CARMIL3: variants seen among roughly 807,000 people sequenced by gnomAD.
The protein encoded by CARMIL3 is capping protein regulator and myosin 1 linker 3.
CARMIL3 carries 88 observed loss-of-function variants against 180.8 expected under a neutral mutation model. The ratio of observed to expected loss-of-function variants is 0.49; its 90% CI spans 0.41 to 0.58. CARMIL3 has a LOEUF of 0.58. Ranked by LOEUF, CARMIL3 falls within the 20% of genes least tolerant of loss-of-function variation. The probability of loss-of-function intolerance (pLI) is 0.00; values close to 1 mark genes in which losing one functional copy is unlikely to be tolerated. For synonymous variants in CARMIL3, 696 were observed against 714.5 expected (o/e 0.97, Z 0.41); for missense variants, 1,548 against 1,787.0 (o/e 0.87, Z 2.41).
intron 36 of CARMIL3, 66 bp downstream of exon 36, chr14:24,066,722 C>A: frequency 6.5e-7 from 1 of 1,542,696 alleles, no homozygotes; most frequent in African/African-American, 1.4e-5. Context: ...AAACAGAAGC[C>A]CATGGCCCCT....
At chr14:24,052,386 C>G (rs1254957372) in intron 1 of CARMIL3, among the ~76,000 whole-genome samples, 193 bp downstream of exon 1, 2 of 152,244 alleles carry the variant, frequency 1.3e-5, no homozygotes, top group Non-Finnish European at 2.9e-5. Flanking sequence ...CCTCGCCTCA[C>G]CCGGTCGGGA....
chr14:24,060,577 C>T (rs754512888), intron 24 of CARMIL3, 51 bp from the exon 25 acceptor site: 35 of 1,601,740 alleles, frequency 2.2e-5, no homozygotes, highest in East Asian at 1.6e-4. Context: ...GTCCTACCTG[C>T]GAAGATGTGG....
chr14:24,061,687 G>A lies in CARMIL3; in HGVS notation c.2480+15G>A. 1.2e-6 allele frequency: 2 copies of A among 1,609,706 alleles called. No homozygotes were observed. The highest frequency in any genetic ancestry group is 2.2e-5 in the East Asian group (1 of 44,788). Reference sequence around the variant, plus strand: ...AACAAGCTGGAGTGAGAGGCAAAGGGCAGGGCTGGGGCTGAGCTGGATTTG... The same window carrying A: ...AACAAGCTGGAGTGAGAGGCAAAGGACAGGGCTGGGGCTGAGCTGGATTTG... On this transcript the variant is annotated intron_variant, in intron 27 of 39. Coordinates refer to ENST00000342740, the MANE Select transcript of CARMIL3 (RefSeq NM_138360.4). The surrounding 1 kb of genome is among the most constrained non-coding windows in gnomAD (Gnocchi z 4.1).
chr14:24,062,356 C>A, intron 27 of CARMIL3, 124 bp from the exon 28 acceptor site: 1 of 880,838 alleles, frequency 1.1e-6, no homozygotes, highest in Non-Finnish European at 1.9e-6. Context: ...GCCACATGCG[C>A]TCCATGGGCA....
At chr14:24,056,597 G>C in intron 11 of CARMIL3, 25 bp from the exon 12 acceptor site, 1 of 1,612,204 alleles carries the variant, frequency 6.2e-7, no homozygotes. Flanking sequence ...CCCTCACTGG[G>C]CCCGTTTCTC....
At chr14:24,064,183 G>A (rs1020237148) in intron 31 of CARMIL3, 63 bp from the exon 32 acceptor site, 11 of 1,116,294 alleles carry the variant, frequency 9.9e-6, no homozygotes, top group Middle Eastern at 1.9e-4. Flanking sequence ...AATGCTCTGA[G>A]TGGATGGGAG....
Position 24,056,967 on chromosome 14 carries a change from C to T in CARMIL3, c.1005C>T (p.Ser335=). The T allele has an allele frequency of 6.2e-7, 1 of 1,614,110 alleles. No individual in the cohort carries two copies. Among genetic ancestry groups the T allele is most frequent in the Non-Finnish European group, 8.5e-7 (1 of 1,179,996 alleles). ...GGGCAAACCCAGCATTTGCCAGCTC[C>T]CTTCGATACCTGGACCTGAGCAAGA... ...TFGANPAFAS[S]LRYLDLSKNP... The change falls in exon 13 of 40, where the codon TCC becomes TCT. Residue 335 remains serine, a synonymous_variant. Coordinates refer to ENST00000342740, the MANE Select transcript of CARMIL3 (RefSeq NM_138360.4).
rs1188340734 is a variant in CARMIL3 at position 24,059,425 on chromosome 14, G to A, written c.1782G>A (p.Gln594=). 3 of 1,581,952 alleles carry A rather than the reference G, an allele frequency of 1.9e-6. No homozygotes were observed. In the African/African-American group the frequency reaches 4.1e-5, roughly 21 times the overall value. Residue 594 remains glutamine, a synonymous_variant, in exon 21 of 40, where the codon CAG becomes CAA. Coordinates refer to ENST00000342740, the MANE Select transcript of CARMIL3 (RefSeq NM_138360.4). The surrounding 1 kb of genome is among the most constrained non-coding windows in gnomAD (Gnocchi z 6.3). ...CCAAGATGCTGTCTAAGGCCCTGCA[G>A]ATAAACTCCTCCCTCAGGTGGGGCC... The part of the protein sequence containing the change: ...IGAKMLSKAL[Q]INSSLRTILW...
chr14:24,060,777 C>T (rs1407450281), intron 25 of CARMIL3, 21 bp downstream of exon 25: 2 of 1,609,636 alleles, frequency 1.2e-6, no homozygotes, highest in East Asian at 4.5e-5. Flanking sequence ...CACAGGCTAC[C>T]CTTCCCCTGA....
rs766709569 is a variant in CARMIL3 at position 24,054,764 on chromosome 14, C to A, written c.416C>A (p.Ser139Tyr). The change falls in exon 6 of 40, where the codon TCC (serine) becomes TAC (tyrosine). Residue 139 changes from serine to tyrosine, a missense_variant. By Grantham distance (144) the Ser-to-Tyr change is moderately radical. Around this residue, in one of 4 missense-constraint regions of CARMIL3, gnomAD observed 578 missense variants for 666.5 expected, o/e 0.87. Coordinates refer to ENST00000342740, the MANE Select transcript of CARMIL3 (RefSeq NM_138360.4). The surrounding 1 kb of genome is among the most constrained non-coding windows in gnomAD (Gnocchi z 5.1). ...ACCCCAGAGGGGCCCCGAGATACATCCCCCAACTCTGAGACTTCCACATCT... is the reference window on the plus strand; with the variant it reads ...ACCCCAGAGGGGCCCCGAGATACATACCCCAACTCTGAGACTTCCACATCT... ...ADTPEGPRDT[S>Y]PNSETSTSTT... 1 of 1,614,126 alleles carries A rather than the reference C, an allele frequency of 6.2e-7. No individual in the cohort carries two copies. Among genetic ancestry groups the A allele is most frequent in the African/African-American group, 1.3e-5 (1 of 75,060 alleles).
At chr14:24,064,827 T>A in intron 32 of CARMIL3, 131 bp from the exon 33 acceptor site, 1 of 926,024 alleles carries the variant, frequency 1.1e-6, no homozygotes. Context: ...AAGGGCATCA[T>A]CTCCCTGAGA....
At position 24,057,299 on chromosome 14, in the gene CARMIL3, G is replaced by A. The variant is rs937889874; in HGVS notation, c.1140+55G>A. 14 of 1,534,392 alleles carry A rather than the reference G, an allele frequency of 9.1e-6. No individual in the cohort carries two copies. In the Admixed American group the frequency reaches 2.3e-4, roughly 25 times the overall value. On this transcript the variant is annotated intron_variant, in intron 14 of 39. Coordinates refer to ENST00000342740, the MANE Select transcript of CARMIL3 (RefSeq NM_138360.4). ...GAGGTGATTTGGGGAAGACCACAGTGGGCCTCGGTCTCACCCCCTATCCCT... is the reference window on the plus strand; with the variant it reads ...GAGGTGATTTGGGGAAGACCACAGTAGGCCTCGGTCTCACCCCCTATCCCT...
Position 24,060,662 on chromosome 14 carries a change from A to G in CARMIL3, c.2096A>G (p.Glu699Gly). ...LQRLCGRVQEEVRALRLCPLE... is the reference protein window; with the variant it reads ...LQRLCGRVQEGVRALRLCPLE... ...CGGCTGTGTGGACGAGTGCAGGAGG[A>G]GGTGCGGGCCCTGAGACTATGCCCC... The change falls in exon 25 of 40, where the codon GAG (glutamate) becomes GGG (glycine). Residue 699 changes from glutamate (E) to glycine (G), a missense_variant. Physicochemically the swap from Glu to Gly is moderately conservative, Grantham distance 98. Transcript: ENST00000342740. 1 of 1,613,898 alleles carries G rather than the reference A, an allele frequency of 6.2e-7. No homozygotes were observed. Among genetic ancestry groups the G allele is most frequent in the Non-Finnish European group, 8.5e-7 (1 of 1,179,940 alleles).
Position 24,058,435 on chromosome 14 carries a change from T to G in CARMIL3, c.1392+211T>G, listed in dbSNP as rs1229017731. Among the ~76,000 whole-genome samples, 2 of 151,916 alleles carry G rather than the reference T, an allele frequency of 1.3e-5. No homozygotes were observed. The highest frequency in any genetic ancestry group is 2.9e-5 in the Non-Finnish European group (2 of 67,966). On this transcript the variant is annotated intron_variant, in intron 17 of 39. Transcript: ENST00000342740. The surrounding 1 kb of genome is among the most constrained non-coding windows in gnomAD (Gnocchi z 6.4). ...TATCTCTGCCCTTAAAGCTTTGGGG[T>G]GGGAGATACCAGACTTTTCCACCAG... is the stretch of plus-strand genomic sequence containing the variant.
chr14:24,060,112 A>T (rs2035717459), intron 23 of CARMIL3, 45 bp from the exon 24 acceptor site: 7 of 1,612,782 alleles, frequency 4.3e-6, no homozygotes, highest in Non-Finnish European at 5.9e-6. Context: ...GGCAGGGGGC[A>T]GCCCCCATCC....
At position 24,068,611 on chromosome 14, in the gene CARMIL3, G is replaced by T. The variant is rs755668643; in HGVS notation, c.3710G>T (p.Cys1237Phe). Residue 1237 changes from cysteine to phenylalanine, a missense_variant, in exon 37 of 40, where the codon TGC (cysteine) becomes TTC (phenylalanine). Physicochemically the swap from Cys to Phe is radical, Grantham distance 205 (BLOSUM62 -2). Coordinates refer to ENST00000342740, the MANE Select transcript of CARMIL3 (RefSeq NM_138360.4). Reference sequence around the variant, plus strand: ...GAAGAGAGTGCCCCCAACCACAGCTGCCAGAGTCCCAGCCCAGCCTCCCAA... The same window carrying T: ...GAAGAGAGTGCCCCCAACCACAGCTTCCAGAGTCCCAGCCCAGCCTCCCAA... The part of the protein sequence containing the change: ...IAEESAPNHS[C>F]QSPSPASQDG... 6.2e-7 allele frequency: 1 copy of T among 1,613,708 alleles called. No homozygotes were observed. Among genetic ancestry groups the T allele is most frequent in the Non-Finnish European group, 8.5e-7 (1 of 1,179,822 alleles).
intron 32 of CARMIL3, 117 bp from the exon 33 acceptor site, chr14:24,064,841 A>G (rs2035768736): frequency 1.9e-6 from 2 of 1,043,950 alleles, no homozygotes; most frequent in African/African-American, 1.6e-5. Context: ...CCTGAGAACT[A>G]AGTGGAAAGG....
In CARMIL3 at chr14:24,058,797, G is replaced by C; in HGVS notation, c.1474+36G>C. On this transcript the variant is annotated intron_variant, in intron 18 of 39. Transcript: ENST00000342740. The surrounding 1 kb of genome is among the most constrained non-coding windows in gnomAD (Gnocchi z 6.4). ...GTTCCTCCCTTCCCTGGGGCCAGGGGAGAACAGGGGCCTGGAGCATGCAGA... is the reference window on the plus strand; with the variant it reads ...GTTCCTCCCTTCCCTGGGGCCAGGGCAGAACAGGGGCCTGGAGCATGCAGA... The C allele has an allele frequency of 6.2e-7, 1 of 1,612,476 alleles. No individual in the cohort carries two copies. The highest frequency in any genetic ancestry group is 8.5e-7 in the Non-Finnish European group (1 of 1,178,580).
At position 24,054,383 on chromosome 14, in the gene CARMIL3, T is replaced by C. The variant is rs1279931024; in HGVS notation, c.247-13T>C. ...GGAGGGAGTCTGAGGCTCTGACGCT[T>C]CGTCTCCCCCAGATCCTGGTGGAGA... On this transcript the variant is annotated splice_polypyrimidine_tract_variant and intron_variant, in intron 4 of 39. Transcript: ENST00000342740. This position sits in a 1 kb window ranked among gnomAD's most constrained non-coding sequence, Gnocchi z 5.1. 5 of 1,613,698 alleles carry C rather than the reference T, an allele frequency of 3.1e-6. No homozygotes were observed. The highest frequency in any genetic ancestry group is 1.6e-4 in the Middle Eastern group (1 of 6,084).
Sources: allele counts gnomAD v4.1 joint callset (sites outside exome capture counted in the v4.1 genomes callset), GRCh38; gene constraint gnomAD v4.1.1; regional missense constraint gnomAD v4.1.1; non-coding constraint Gnocchi (gnomAD v3.1); transcripts MANE v1.5; gene names NCBI Gene and HGNC (gene_info 2026-07-23, HGNC 2026-07-21).